Variants in ZNF425 observed in about 807,000 individuals in gnomAD.
ZNF425 encodes zinc finger protein 425.
Under a neutral mutation model 17.0 loss-of-function variants are expected in ZNF425, and 21 were observed. That is an observed-to-expected ratio of 1.23 (90% CI 0.88 to 1.78). The LOEUF (loss-of-function observed/expected upper bound fraction) is 1.78, where lower values mean the gene tolerates loss of function less well. ZNF425 is among the 40% of genes most tolerant of loss of function. The pLI, the probability that ZNF425 is intolerant of heterozygous loss-of-function variation, is 0.00. For missense variants in ZNF425, 868 were observed against 967.3 expected (o/e 0.90, Z 1.36); for synonymous variants, 433 against 384.1 (o/e 1.13, Z -1.49).
At chr7:149,122,696 T>A (rs1266047861) in intron 1 of ZNF425, among the ~76,000 whole-genome samples, 1 of 151,960 alleles carries the variant, frequency 6.6e-6, no homozygotes, top group Non-Finnish European at 1.5e-5. Flanking sequence ...GTTTTTTGTT[T>A]TTGTTTTTGT....
At chr7:149,109,081 C>CTT (rs774851748) in intron 3 of ZNF425, among the ~76,000 whole-genome samples, 39 of 138,816 alleles carry the variant, frequency 2.8e-4, no homozygotes, top group African/African-American at 9.6e-4. Context: ...TTTTTTCTTT[C>CTT]TTTTTTTTTT....
chr7:149,123,562 T>C (rs1048819865), intron 1 of ZNF425, among the ~76,000 whole-genome samples: 1 of 152,206 alleles, frequency 6.6e-6, no homozygotes, highest in Non-Finnish European at 1.5e-5. Flanking sequence ...AGGCGGAGTC[T>C]CGCTCTGTCC....
chr7:149,117,738 C>T (rs561901524), intron 2 of ZNF425, among the ~76,000 whole-genome samples: 5 of 147,558 alleles, frequency 3.4e-5, no homozygotes, highest in East Asian at 4.0e-4. Flanking sequence ...ATGCAACCTC[C>T]GCCTCCCAGG....
At position 149,123,779 on chromosome 7, in the gene ZNF425, G is replaced by A. The variant is rs1217673859; in HGVS notation, c.18+2417C>T. ...ACTCCTGACCTCAGTTGATCCGCCCGCCTCGGCCTCCCAAAGTGCTAGGAT... is the reference window on the plus strand; with the variant it reads ...ACTCCTGACCTCAGTTGATCCGCCCACCTCGGCCTCCCAAAGTGCTAGGAT... On this transcript the variant is annotated intron_variant, in intron 1 of 3. Coordinates refer to ENST00000378061, the MANE Select transcript of ZNF425 (RefSeq NM_001001661.3). 4.6e-5 allele frequency among the ~76,000 whole-genome samples: 7 copies of A among 151,170 alleles called. 1 individual carries two copies. Among genetic ancestry groups the A allele is most frequent in the South Asian group, 4.2e-4 (2 of 4,786 alleles).
chr7:149,104,853 G>A lies in ZNF425; in HGVS notation c.1018C>T (p.Arg340Cys), dbSNP rs766863560. Reference protein sequence around the residue: ...FQCPQCDRCFRLKRGMKVHLT... With the variant: ...FQCPQCDRCFCLKRGMKVHLT... ...TGGACCTTCATGCCCCTCTTCAGGC[G>A]GAAGCACCGGTCACACTGCGGACAC... is the stretch of plus-strand genomic sequence containing the variant. The change falls in exon 4 of 4, where the codon CGC becomes TGC. Residue 340 changes from arginine to cysteine, a missense_variant. Arg to Cys is a radical substitution (Grantham distance 180). Transcript: ENST00000378061. This position sits in a 1 kb window ranked among gnomAD's most constrained non-coding sequence, Gnocchi z 4.3. 1.5e-5 allele frequency: 24 copies of A among 1,613,258 alleles called. No individual in the cohort carries two copies. Among genetic ancestry groups the A allele is most frequent in the Non-Finnish European group, 1.4e-5 (17 of 1,179,870 alleles).
intron 1 of ZNF425, among the ~76,000 whole-genome samples, chr7:149,121,601 AG>A (rs1826353640): frequency 6.6e-6 from 1 of 151,530 alleles, no homozygotes; most frequent in African/African-American, 2.4e-5. Flanking sequence ...TATGTTGGTC[AG>A]GCTGGTCTTG....
At position 149,112,298 on chromosome 7, in the gene ZNF425, G is replaced by A. The variant is rs1374478826; in HGVS notation, c.146-3C>T. ...ATCTGGCTTGGAAAAAGCATACCCT[G>A]CAAATAGAGTCCACACAGACTTTGA... is the stretch of plus-strand genomic sequence containing the variant. On this transcript the variant is annotated splice_region_variant and splice_polypyrimidine_tract_variant and intron_variant, in intron 2 of 3. Transcript: ENST00000378061. The A allele has an allele frequency of 6.2e-6, 10 of 1,611,792 alleles. No individual in the cohort carries two copies. Among genetic ancestry groups the A allele is most frequent in the Middle Eastern group, 1.7e-4 (1 of 6,052 alleles).
chr7:149,105,363 G>A lies in ZNF425; in HGVS notation c.508C>T (p.Leu170=), dbSNP rs1826063561. 6.2e-7 allele frequency: 1 copy of A among 1,612,940 alleles called. No individual in the cohort carries two copies. ...ITAYDPDKKD[L]RHKPRETPGR... ...GGGGTCTCCCGAGGCTTATGCCGCA[G>A]GTCTTTCTTGTCTGGATCATATGCT... Residue 170 remains leucine, a synonymous_variant, in exon 4 of 4, where the codon CTG becomes TTG. Coordinates refer to ENST00000378061, the MANE Select transcript of ZNF425 (RefSeq NM_001001661.3).
At chr7:149,112,033 A>C in intron 3 of ZNF425, 104 bp downstream of exon 3, 1 of 1,258,336 alleles carries the variant, frequency 7.9e-7, no homozygotes, top group South Asian at 1.5e-5. Flanking sequence ...CATCAAAACA[A>C]CTTTTTTTAT....
Position 149,122,571 on chromosome 7 carries a change from T to C in ZNF425, c.18+3625A>G, listed in dbSNP as rs934884382. Among the ~76,000 whole-genome samples the C allele has an allele frequency of 2.6e-5, 4 of 152,164 alleles. No individual in the cohort carries two copies. The East Asian group carries it at 7.7e-4, about 29-fold the overall frequency. On this transcript the variant is annotated intron_variant, in intron 1 of 3. Transcript: ENST00000378061. Reference sequence around the variant, plus strand: ...CCAATTTATCACTTTTTTCCCTTTATTGATTGTGCTGGTGGTACACCACCA... The same window carrying C: ...CCAATTTATCACTTTTTTCCCTTTACTGATTGTGCTGGTGGTACACCACCA...
At position 149,118,005 on chromosome 7, in the gene ZNF425, G is replaced by A. The variant is rs543492544; in HGVS notation, c.145+217C>T. On this transcript the variant is annotated intron_variant, in intron 2 of 3. Coordinates refer to ENST00000378061, the MANE Select transcript of ZNF425 (RefSeq NM_001001661.3). ...GACATTGGGGAGGGTTAAGGTAGGA[G>A]ACAGAGAATTTAGAGTATTAATAAT... is the stretch of plus-strand genomic sequence containing the variant. 7.1e-4 allele frequency among the ~76,000 whole-genome samples: 108 copies of A among 152,188 alleles called. No homozygotes were observed. In the Middle Eastern group the frequency reaches 0.01, roughly 14 times the overall value.
intron 3 of ZNF425, among the ~76,000 whole-genome samples, chr7:149,108,347 G>T (rs1826115282): frequency 6.6e-6 from 1 of 152,152 alleles, no homozygotes; most frequent in African/African-American, 2.4e-5. Context: ...GACAACACAG[G>T]TGATGTTTTC....
intron 2 of ZNF425, 110 bp downstream of exon 2, chr7:149,118,112 G>T: frequency 8.2e-7 from 1 of 1,226,258 alleles, no homozygotes; most frequent in Non-Finnish European, 1.2e-6. Context: ...CATTATGAAT[G>T]TAAACTGGGC....
chr7:149,112,089 A>C lies in ZNF425; in HGVS notation c.304+48T>G. On this transcript the variant is annotated intron_variant, in intron 3 of 3. Transcript: ENST00000378061. ...TCCAAAAAGAAAGATTCAGGAAACAAGGCTAGGAAAATAAAATAATTCATG... is the reference window on the plus strand; with the variant it reads ...TCCAAAAAGAAAGATTCAGGAAACACGGCTAGGAAAATAAAATAATTCATG... 2.6e-6 allele frequency: 4 copies of C among 1,566,662 alleles called. No individual in the cohort carries two copies. The East Asian group carries it at 9.0e-5, about 35-fold the overall frequency.
chr7:149,118,693 T>A, intron 1 of ZNF425: 1 of 389,536 alleles, frequency 2.6e-6, no homozygotes, highest in Non-Finnish European at 5.1e-6. Flanking sequence ...CACATTCCTG[T>A]AGTCCCAGTT....
chr7:149,118,182 G>A lies in ZNF425; in HGVS notation c.145+40C>T, dbSNP rs768783834. On this transcript the variant is annotated intron_variant, in intron 2 of 3. Transcript: ENST00000378061. ...AGGGAAGGAAGCCTGGTACTATTAGGTTGGTTCCTAAAAAGTGATTCCTTA... is the reference window on the plus strand; with the variant it reads ...AGGGAAGGAAGCCTGGTACTATTAGATTGGTTCCTAAAAAGTGATTCCTTA... 1.9e-6 allele frequency: 3 copies of A among 1,613,108 alleles called. No homozygotes were observed. The South Asian group carries it at 3.3e-5, about 18-fold the overall frequency.
At position 149,112,278 on chromosome 7, in the gene ZNF425, G is replaced by T. The variant is rs1826187601; in HGVS notation, c.163C>A (p.Pro55Thr). Residue 55 changes from proline (P) to threonine (T), a missense_variant, in exon 3 of 4, where the codon CCA (proline) becomes ACA (threonine). Pro to Thr is a conservative substitution (Grantham distance 38, BLOSUM62 -1). Around this residue, in one of 5 missense-constraint regions of ZNF425, gnomAD observed 179 missense variants for 216.3 expected, o/e 0.83. Coordinates refer to ENST00000378061, the MANE Select transcript of ZNF425 (RefSeq NM_001001661.3). Reference sequence around the variant, plus strand: ...TGTTCCATCCATGTGATCAAATCTGGCTTGGAAAAAGCATACCCTGCAAAT... The same window carrying T: ...TGTTCCATCCATGTGATCAAATCTGTCTTGGAAAAAGCATACCCTGCAAAT... The part of the protein sequence containing the change: ...LDSLGYAFSK[P>T]DLITWMEQGR... 1 of 1,613,460 alleles carries T rather than the reference G, an allele frequency of 6.2e-7. No individual in the cohort carries two copies. The highest frequency in any genetic ancestry group is 8.5e-7 in the Non-Finnish European group (1 of 1,179,736).
At chr7:149,120,602 T>C (rs1053677617) in intron 1 of ZNF425, among the ~76,000 whole-genome samples, 3 of 152,188 alleles carry the variant, frequency 2.0e-5, no homozygotes, top group Non-Finnish European at 4.4e-5. Context: ...TATGTTTAGA[T>C]ACACAAATAC....
chr7:149,123,413 G>GT (rs1826393036), intron 1 of ZNF425, among the ~76,000 whole-genome samples: 1 of 152,182 alleles, frequency 6.6e-6, no homozygotes, highest in African/African-American at 2.4e-5. Context: ...GAGACCTGAC[G>GT]TTTAACACTT....
Sources: allele counts gnomAD v4.1 joint callset (sites outside exome capture counted in the v4.1 genomes callset), GRCh38; gene constraint gnomAD v4.1.1; regional missense constraint gnomAD v4.1.1; non-coding constraint Gnocchi (gnomAD v3.1); transcripts MANE v1.5; gene names NCBI Gene and HGNC (gene_info 2026-07-23, HGNC 2026-07-21).